The following C12orf42 variants were observed in gnomAD, a reference collection of about 807,000 sequenced individuals.
C12orf42 encodes uncharacterized protein C12orf42.
A neutral mutation model predicts 21.6 loss-of-function variants in C12orf42; 25 were observed. The ratio of observed to expected loss-of-function variants is 1.16; its 90% CI spans 0.84 to 1.62. C12orf42 has a LOEUF of 1.62. C12orf42 is among the 40% of genes most tolerant of loss of function. The pLI, the probability that C12orf42 is intolerant of heterozygous loss-of-function variation, is 0.00. For synonymous variants in C12orf42, 174 were observed against 175.0 expected, an observed-to-expected ratio of 0.99 and a Z score of 0.05; for missense variants, 483 against 459.3, an observed-to-expected ratio of 1.05 and a Z score of -0.47.
chr12:103,069,429 C>T, the C12orf42 span, among the ~76,000 whole-genome samples: 1 of 152,082 alleles, frequency 6.6e-6, no homozygotes, highest in Non-Finnish European at 1.5e-5. Flanking sequence ...ATAGCTTAGC[C>T]TAGTCTACCT....
intron 10 of C12orf42, among the ~76,000 whole-genome samples, chr12:103,239,982 G>A (rs1466978149): frequency 1.3e-5 from 2 of 152,126 alleles, no homozygotes; most frequent in Non-Finnish European, 2.9e-5. Context: ...CTGAAAATGA[G>A]ACATTCAACA....
intron 4 of C12orf42, among the ~76,000 whole-genome samples, chr12:103,285,983 C>A (rs938732941): frequency 6.6e-6 from 1 of 152,158 alleles, no homozygotes; most frequent in Non-Finnish European, 1.5e-5. Context: ...TGGTGGCTCA[C>A]GCCTGTAATC....
rs898356343 is a variant in C12orf42 at position 103,355,691 on chromosome 12, C to T, written c.259+13196G>A. Among the ~76,000 whole-genome samples the T allele has an allele frequency of 3.6e-4, 55 of 152,044 alleles. 1 individual carries two copies. The highest frequency in any genetic ancestry group is 5.9e-5 in the Non-Finnish European group (4 of 67,980). The stretch of plus-strand genomic sequence containing the variant: ...CCAATAGCCTTACCACCTCCTCATT[C>T]CTCACATCTCAGCACCCTAGTTTGA... On this transcript the variant is annotated intron_variant, in intron 4 of 5. Transcript: ENST00000548883.
the C12orf42 span, among the ~76,000 whole-genome samples, chr12:103,131,231 G>A: frequency 6.6e-6 from 1 of 152,180 alleles, no homozygotes; most frequent in Non-Finnish European, 1.5e-5. Flanking sequence ...TAATTGTGAG[G>A]CACTGGTGAA....
At chr12:103,425,595 C>T (rs1016706623) in intron 2 of C12orf42, among the ~76,000 whole-genome samples, 1 of 152,210 alleles carries the variant, frequency 6.6e-6, no homozygotes, top group African/African-American at 2.4e-5. Context: ...AGCAGAGGGG[C>T]CTGACTGTTA....
intron 2 of C12orf42, among the ~76,000 whole-genome samples, chr12:103,429,319 C>A (rs1026502627): frequency 1.3e-5 from 2 of 152,156 alleles, no homozygotes; most frequent in Admixed American, 1.3e-4. Context: ...TTCCTATACA[C>A]CAACAACAGA....
At chr12:103,105,265 T>C in the C12orf42 span, among the ~76,000 whole-genome samples, 1 of 152,074 alleles carries the variant, frequency 6.6e-6, no homozygotes, top group Admixed American at 6.5e-5. Flanking sequence ...GAAAGATGAG[T>C]ACCCCCACAA....
chr12:103,554,578 A>T, the C12orf42 span, among the ~76,000 whole-genome samples: 2 of 107,566 alleles, frequency 1.9e-5, no homozygotes, highest in African/African-American at 6.1e-5. Context: ...ATTTATTACA[A>T]AAAAAAAAAA....
At chr12:103,485,872 G>GCT (rs1246809634) in intron 1 of C12orf42, among the ~76,000 whole-genome samples, 3 of 152,166 alleles carry the variant, frequency 2.0e-5, no homozygotes, top group Non-Finnish European at 4.4e-5. Flanking sequence ...GAGACTTGGG[G>GCT]CTGAGATGAT....
At chr12:103,218,436 A>G in the C12orf42 span, among the ~76,000 whole-genome samples, 1 of 152,300 alleles carries the variant, frequency 6.6e-6, no homozygotes, top group South Asian at 2.1e-4. Flanking sequence ...TCCTCTGAAT[A>G]TTTACTCCCT....
At chr12:103,392,037 T>C (rs142224108) in intron 3 of C12orf42, among the ~76,000 whole-genome samples, 89 of 152,312 alleles carry the variant, frequency 5.8e-4, no homozygotes, top group African/African-American at 1.9e-3. Flanking sequence ...TTCATCCTTT[T>C]GCATGTGAAT....
chr12:103,110,228 G>A, the C12orf42 span, among the ~76,000 whole-genome samples: 1 of 152,140 alleles, frequency 6.6e-6, no homozygotes, highest in Non-Finnish European at 1.5e-5. Context: ...ATCAGAGAAA[G>A]AGATGTATAA....
At chr12:103,434,865 G>A (rs1271243042) in intron 2 of C12orf42, among the ~76,000 whole-genome samples, 2 of 152,330 alleles carry the variant, frequency 1.3e-5, no homozygotes, top group African/African-American at 2.4e-5. Context: ...GGTAAACAAA[G>A]CAGCCGGGAA....
chr12:103,273,201 A>G (rs76598500), intron 5 of C12orf42, among the ~76,000 whole-genome samples: 1,943 of 152,248 alleles, frequency 0.013, 36 homozygotes, highest in African/African-American at 0.038. Context: ...AGATTCACCA[A>G]TGACCTGTTA....
At chr12:103,401,806 T>TACCC in intron 2 of C12orf42, 131 bp from the exon 3 acceptor site, 1 of 803,214 alleles carries the variant, frequency 1.2e-6, no homozygotes, top group South Asian at 1.6e-5. Flanking sequence ...ATTCACTGAG[T>TACCC]ACCCGATATT....
intron 4 of C12orf42, among the ~76,000 whole-genome samples, chr12:103,321,187 A>G (rs2040060511): frequency 6.6e-6 from 1 of 151,826 alleles, no homozygotes; most frequent in African/African-American, 2.4e-5. Context: ...AAACAACCCC[A>G]TCACAAAGTG....
chr12:103,356,098 G>A (rs1289853163), intron 4 of C12orf42, among the ~76,000 whole-genome samples: 1 of 152,008 alleles, frequency 6.6e-6, no homozygotes, highest in Non-Finnish European at 1.5e-5. Context: ...TCCTGACTGG[G>A]CGCTTCTAAC....
intron 2 of C12orf42, among the ~76,000 whole-genome samples, chr12:103,455,433 C>T (rs925260803): frequency 6.6e-6 from 1 of 152,106 alleles, no homozygotes; most frequent in Non-Finnish European, 1.5e-5. Context: ...GGCTGAAAAA[C>T]GTGGTCCAAA....
chr12:103,215,641 A>T, the C12orf42 span, among the ~76,000 whole-genome samples: 1 of 152,198 alleles, frequency 6.6e-6, no homozygotes, highest in African/African-American at 2.4e-5. Flanking sequence ...CTTTGTATAA[A>T]GGCTGGGATT....
Sources: gnomAD v4.1 joint callset for allele counts (sites outside exome capture counted in the v4.1 genomes callset) on GRCh38, gnomAD v4.1.1 for gene constraint, MANE v1.5 for transcripts, NCBI Gene and HGNC (gene_info 2026-07-23, HGNC 2026-07-21) for gene names.